The following CCDC112 variants were observed in gnomAD, a reference collection of about 807,000 sequenced individuals.
The protein encoded by CCDC112 is coiled-coil domain containing 112, also known as coiled-coil domain-containing protein 112.
A neutral mutation model predicts 66.3 loss-of-function variants in CCDC112; 40 were observed. The ratio of observed to expected loss-of-function variants is 0.60; its 90% confidence interval spans 0.47 to 0.79. The LOEUF (loss-of-function observed/expected upper bound fraction) is 0.79. CCDC112 is among the 30% of genes least tolerant of loss of function. The pLI is 0.00. For synonymous variants in CCDC112, 214 were observed against 197.2 expected (o/e 1.09, Z -0.71); for missense variants, 659 against 603.8 (o/e 1.09, Z -0.96).
intron 3 of CCDC112, among the ~76,000 whole-genome samples, chr5:115,279,386 C>A (rs1749349721): frequency 6.6e-6 from 1 of 152,030 alleles, no homozygotes; most frequent in Non-Finnish European, 1.5e-5. Context: ...TCCCCCAAAT[C>A]CTCTCTTTCT....
intron 1 of CCDC112, among the ~76,000 whole-genome samples, chr5:115,286,452 G>A (rs1749677939): frequency 6.6e-6 from 1 of 152,166 alleles, no homozygotes. Flanking sequence ...TCAGTCATTA[G>A]CTGATGGACA....
chr5:115,274,990 G>A (rs981099801), intron 6 of CCDC112, among the ~76,000 whole-genome samples: 52 of 152,078 alleles, frequency 3.4e-4, no homozygotes, highest in African/African-American at 1.1e-3. Context: ...TGATCCATCC[G>A]CCTTAACCTC....
rs190427624 is a variant in CCDC112 at position 115,285,714 on chromosome 5, C to T, written c.118-806G>A. On this transcript the variant is annotated intron_variant, in intron 1 of 9. Coordinates refer to ENST00000379611, the MANE Select transcript of CCDC112 (RefSeq NM_001040440.3). Reference sequence around the variant, plus strand: ...TTTTGAGCAGGGAAATGCCATGATACATTTAACTCTTTAAGAACAATTTTC... The same window carrying T: ...TTTTGAGCAGGGAAATGCCATGATATATTTAACTCTTTAAGAACAATTTTC... 2.2e-4 allele frequency among the ~76,000 whole-genome samples: 33 copies of T among 152,160 alleles called. No homozygotes were observed. The South Asian group carries it at 4.1e-3, about 19-fold the overall frequency.
chr5:115,292,955 C>T (rs1278653281), intron 1 of CCDC112, among the ~76,000 whole-genome samples: 3 of 152,168 alleles, frequency 2.0e-5, no homozygotes, highest in Admixed American at 6.5e-5. Context: ...TAGGTCTTTC[C>T]TGGTGTCTCC....
intron 5 of CCDC112, 135 bp from the exon 6 acceptor site, chr5:115,275,741 T>C: frequency 1.4e-6 from 1 of 723,992 alleles, no homozygotes; most frequent in Non-Finnish European, 2.1e-6. Context: ...ATTTAAGCCT[T>C]AAAAGAGTCT....
chr5:115,278,778 A>C (rs181624590), intron 3 of CCDC112, among the ~76,000 whole-genome samples: 178 of 152,298 alleles, frequency 1.2e-3, no homozygotes, highest in African/African-American at 3.7e-3. Flanking sequence ...CTTTTAAAAA[A>C]TAGTGCAACC....
chr5:115,273,557 T>TTG lies in CCDC112; in HGVS notation c.918+1658_918+1659insCA, dbSNP rs371897400. 3.8e-3 allele frequency among the ~76,000 whole-genome samples: 581 copies of TTG among 152,318 alleles called. 1 individual carries two copies. The highest frequency in any genetic ancestry group is 0.014 in the Middle Eastern group (4 of 294). ...TGCTCATATCGTATCAAACTGATGATATATCAGTCATCAAATATCAGGAAA... is the reference window on the plus strand; with the variant it reads ...TGCTCATATCGTATCAAACTGATGATTGATATCAGTCATCAAATATCAGGAAA... On this transcript the variant is annotated intron_variant, in intron 6 of 9. Transcript: ENST00000379611.
chr5:115,296,455 C>T lies in CCDC112; in HGVS notation c.89G>A (p.Gly30Asp), dbSNP rs1310619052. ...TTGAGGCGCTGGCGTCGCTCCCACG[C>T]CGGTCCCGGTGGCCGCGCCCGCCCC... ...VAGAGAATGTGVGATPAPQQS... is the reference protein window; with the variant it reads ...VAGAGAATGTDVGATPAPQQS... Residue 30 changes from glycine (G) to aspartate (D), a missense_variant, in exon 1 of 10, where the codon GGC (glycine) becomes GAC (aspartate). Gly to Asp is a moderately conservative substitution (Grantham distance 94). Transcript: ENST00000379611. 1 of 1,564,888 alleles carries T rather than the reference C, an allele frequency of 6.4e-7. No homozygotes were observed. Among genetic ancestry groups the T allele is most frequent in the Non-Finnish European group, 8.6e-7 (1 of 1,162,892 alleles).
At chr5:115,296,307 G>T (rs1750153484) in intron 1 of CCDC112, 120 bp downstream of exon 1, 2 of 1,343,424 alleles carry the variant, frequency 1.5e-6, no homozygotes, top group Middle Eastern at 2.8e-4. Flanking sequence ...CGCGTGCCAG[G>T]CCCCGAGCAG....
intron 4 of CCDC112, among the ~76,000 whole-genome samples, chr5:115,276,428 T>C (rs1420607395): frequency 6.6e-6 from 1 of 152,196 alleles, no homozygotes; most frequent in Non-Finnish European, 1.5e-5. Context: ...GTTGCTTTGA[T>C]TCTCAGGAAT....
rs888446227 is a variant in CCDC112, at chr5:115,296,647, G to A, written c.-104C>T. Reference sequence around the variant, plus strand: ...GACAGCTCCCTGCGCTGCGGGCTTGGCCGGGATGCAGGGCGGGGCCGAGAT... The same window carrying A: ...GACAGCTCCCTGCGCTGCGGGCTTGACCGGGATGCAGGGCGGGGCCGAGAT... On this transcript the variant is annotated 5_prime_UTR_variant, in exon 1 of 10. Coordinates refer to ENST00000379611, the MANE Select transcript of CCDC112 (RefSeq NM_001040440.3). 2 of 1,284,426 alleles carry A rather than the reference G, an allele frequency of 1.6e-6. No individual in the cohort carries two copies. Among genetic ancestry groups the A allele is most frequent in the African/African-American group, 1.6e-5 (1 of 63,012 alleles). The allele number at this position is 1,284,426 out of a possible 1,614,324, so 79.6% of individuals were successfully genotyped here.
chr5:115,269,885 C>A (rs1373232876), intron 7 of CCDC112, 87 bp from the exon 8 acceptor site: 3 of 722,502 alleles, frequency 4.2e-6, no homozygotes, highest in African/African-American at 1.8e-5. Context: ...AATTAAATTA[C>A]CTTACCTATC....
chr5:115,271,021 C>T lies in CCDC112; in HGVS notation c.1332+192G>A, dbSNP rs369805820. Among the ~76,000 whole-genome samples the T allele has an allele frequency of 9.9e-5, 15 of 152,168 alleles. 1 individual carries two copies. The highest frequency in any genetic ancestry group is 6.5e-4 in the Admixed American group (10 of 15,282). On this transcript the variant is annotated intron_variant, in intron 7 of 9. Transcript: ENST00000379611. ...ACTCTTTAACACATTATACTGCAAT[C>T]TCCTACTTCCACATATCTTTCCCAC...
intron 1 of CCDC112, among the ~76,000 whole-genome samples, chr5:115,285,900 A>G (rs59891755): frequency 0.013 from 1,952 of 152,220 alleles, 43 homozygotes; most frequent in African/African-American, 0.044. Context: ...GACTCAATGT[A>G]TTTTGGAGGT....
At chr5:115,295,772 T>TA (rs1750125759) in intron 1 of CCDC112, 1 of 376,678 alleles carries the variant, frequency 2.7e-6, no homozygotes, top group Non-Finnish European at 3.7e-6. Context: ...AAATAAAGTA[T>TA]GTAATATAAT....
chr5:115,271,474 T>C lies in CCDC112; in HGVS notation c.1071A>G (p.Ala357=), dbSNP rs1454113962. 2.5e-6 allele frequency: 4 copies of C among 1,613,044 alleles called. No individual in the cohort carries two copies. The highest frequency in any genetic ancestry group is 1.7e-4 in the Middle Eastern group (1 of 6,060). ...KEEQRKKQKL[A]VEAWKKQKSI... ...TTTTCTGTTTCTTCCAAGCTTCAACTGCCAATTTCTGTTTCTTTCTTTGTT... is the reference window on the plus strand; with the variant it reads ...TTTTCTGTTTCTTCCAAGCTTCAACCGCCAATTTCTGTTTCTTTCTTTGTT... Residue 357 remains alanine, a synonymous_variant, in exon 7 of 10, where the codon GCA becomes GCG. Transcript: ENST00000379611.
At chr5:115,287,735 G>C (rs2127071468) in intron 1 of CCDC112, among the ~76,000 whole-genome samples, 1 of 144,080 alleles carries the variant, frequency 6.9e-6, no homozygotes, top group South Asian at 2.2e-4. Context: ...AAGTGGTGAG[G>C]GTCTTCTTAT....
At position 115,275,478 on chromosome 5, in the gene CCDC112, A is replaced by G. The variant is rs375432075; in HGVS notation, c.656T>C (p.Val219Ala). 5 of 1,614,070 alleles carry G rather than the reference A, an allele frequency of 3.1e-6. No homozygotes were observed. The African/African-American group carries it at 5.3e-5, about 17-fold the overall frequency. Residue 219 changes from valine to alanine, a missense_variant, in exon 6 of 10, where the codon GTT becomes GCT. Val to Ala is a moderately conservative substitution (Grantham distance 64). Coordinates refer to ENST00000379611, the MANE Select transcript of CCDC112 (RefSeq NM_001040440.3). The stretch of plus-strand genomic sequence containing the variant: ...ACTTGGTGTTACTTTGTCTACAGGA[A>G]CTTTGCTTGAGATTGCTCTGAAAGC... ...EKAFRAISSK[V>A]PVDKVTPSTL...
At position 115,284,811 on chromosome 5, in the gene CCDC112, C is replaced by G; in HGVS notation, c.215G>C (p.Arg72Pro). ...CTGATTTTTAAATTTTTCTGCTGTG[C>G]GTACAAATTCTGCTTTCTTAGTCTG... The part of the protein sequence containing the change: ...VNQTKKAEFV[R>P]TAEKFKNQVI... Residue 72 changes from arginine (R) to proline (P), a missense_variant, in exon 2 of 10, where the codon CGC becomes CCC. Transcript: ENST00000379611. The G allele has an allele frequency of 6.2e-7, 1 of 1,606,710 alleles. No individual in the cohort carries two copies. Among genetic ancestry groups the G allele is most frequent in the East Asian group, 2.2e-5 (1 of 44,726 alleles).
Sources: gnomAD v4.1 joint callset for allele counts (sites outside exome capture counted in the v4.1 genomes callset) on GRCh38, gnomAD v4.1.1 for gene constraint, MANE v1.5 for transcripts, NCBI Gene and HGNC (gene_info 2026-07-23, HGNC 2026-07-21) for gene names.